ALK: variants seen among roughly 807,000 people sequenced by gnomAD.
ALK encodes the protein ALK tyrosine kinase receptor.
Under a neutral mutation model 163.1 loss-of-function variants are expected in ALK, and 74 were observed. The ratio of observed to expected loss-of-function variants is 0.45; its 90% CI spans 0.38 to 0.55. ALK has a LOEUF of 0.55. Ranked by LOEUF, ALK falls within the 20% of genes least tolerant of loss-of-function variation. The pLI is 0.00. For missense variants in ALK, 2,063 were observed against 2,105.3 expected (o/e 0.98, Z 0.39); for synonymous variants, 960 against 843.2 (o/e 1.14, Z -2.40).
At chr2:29,474,131 G>C (rs1327935583) in intron 4 of ALK, among the ~76,000 whole-genome samples, 1 of 152,162 alleles carries the variant, frequency 6.6e-6, no homozygotes, top group Non-Finnish European at 1.5e-5. Context: ...TAATTCACTG[G>C]ATATATTGTG....
At chr2:29,828,389 A>G (rs919327854) in intron 1 of ALK, among the ~76,000 whole-genome samples, 4 of 152,240 alleles carry the variant, frequency 2.6e-5, no homozygotes, top group Non-Finnish European at 5.9e-5. Context: ...CAACCTACAG[A>G]ATGGGAGAGA....
chr2:29,882,124 A>C (rs1358636714), intron 1 of ALK, among the ~76,000 whole-genome samples: 1 of 152,200 alleles, frequency 6.6e-6, no homozygotes, highest in African/African-American at 2.4e-5. Context: ...TAAGCTGGCC[A>C]TGAAAAGGTT....
At chr2:29,763,375 T>C (rs1404124945) in intron 1 of ALK, among the ~76,000 whole-genome samples, 1 of 152,198 alleles carries the variant, frequency 6.6e-6, no homozygotes. Context: ...CTTTGAGAGC[T>C]AGCTTTTTAC....
intron 4 of ALK, among the ~76,000 whole-genome samples, chr2:29,445,354 A>G (rs1414825384): frequency 6.6e-6 from 1 of 152,192 alleles, no homozygotes; most frequent in East Asian, 1.9e-4. Context: ...TTATATTTTC[A>G]CCCCATTACC....
chr2:29,433,342 G>A (rs183046143), intron 4 of ALK, among the ~76,000 whole-genome samples: 45 of 152,256 alleles, frequency 3.0e-4, no homozygotes, highest in African/African-American at 1.0e-3. Context: ...CAAGCTCCCA[G>A]ACAAGACGGA....
chr2:29,542,874 A>C (rs1024879239), intron 3 of ALK, among the ~76,000 whole-genome samples: 3 of 152,144 alleles, frequency 2.0e-5, no homozygotes, highest in Admixed American at 6.5e-5. Context: ...CATCTCTAGC[A>C]AATCTTGTTT....
intron 9 of ALK, among the ~76,000 whole-genome samples, chr2:29,280,607 C>G (rs1386524824): frequency 6.7e-6 from 1 of 150,254 alleles, no homozygotes; most frequent in Non-Finnish European, 1.5e-5. Context: ...TAGTATGTAC[C>G]AGGTGGACCA....
intron 3 of ALK, among the ~76,000 whole-genome samples, chr2:29,651,971 A>G (rs1323224494): frequency 1.3e-5 from 2 of 152,182 alleles, no homozygotes; most frequent in Non-Finnish European, 2.9e-5. Context: ...TGCTATGGGC[A>G]TCAATCAAGA....
chr2:29,350,554 G>A (rs938521842), intron 5 of ALK, among the ~76,000 whole-genome samples: 1 of 152,102 alleles, frequency 6.6e-6, no homozygotes, highest in Admixed American at 6.5e-5. Context: ...GGCTCTCAGG[G>A]GCCTTCTAGG....
At chr2:29,216,982 T>C (rs897362028) in intron 23 of ALK, among the ~76,000 whole-genome samples, 24 of 144,124 alleles carry the variant, frequency 1.7e-4, no homozygotes, top group African/African-American at 6.2e-4. Context: ...GTGGTGTGTG[T>C]GTGGCATGTG....
At chr2:29,595,842 A>C (rs765842617) in intron 3 of ALK, among the ~76,000 whole-genome samples, 37 of 152,220 alleles carry the variant, frequency 2.4e-4, no homozygotes, top group Non-Finnish European at 2.9e-4. Context: ...ACAGGGAATA[A>C]GTTTTCTGAA....
intron 1 of ALK, among the ~76,000 whole-genome samples, chr2:29,842,124 G>T (rs1473163600): frequency 6.6e-6 from 1 of 151,328 alleles, no homozygotes; most frequent in East Asian, 1.9e-4. Flanking sequence ...TCAGAAGCTA[G>T]AAAGTTGACT....
intron 4 of ALK, among the ~76,000 whole-genome samples, chr2:29,446,358 C>T (rs75468849): frequency 5.3e-5 from 8 of 152,038 alleles, no homozygotes; most frequent in Non-Finnish European, 8.8e-5. Context: ...ATCCACTTGA[C>T]CCCTCCGATC....
rs1304239235 is a variant in ALK at position 29,275,494 on chromosome 2, A to T, written c.1820T>A (p.Phe607Tyr). The change falls in exon 10 of 29, where the codon TTC (phenylalanine) becomes TAC (tyrosine). Residue 607 changes from phenylalanine to tyrosine, a missense_variant and splice_region_variant. This residue lies in a region of ALK where 987 missense variants were observed against 939.5 expected (regional missense o/e 1.05). Transcript: ENST00000389048. The stretch of plus-strand genomic sequence containing the variant: ...CCACCATGCGACCATCTGCAGCCAG[A>T]ACCTGTACACATCAAGAGGAATGTG... ...VLPLLDVSDR[F>Y]WLQMVAWWGQ... is the part of the protein sequence containing the mutation. 16 of 1,614,058 alleles carry T rather than the reference A, an allele frequency of 9.9e-6. No individual in the cohort carries two copies. The highest frequency in any genetic ancestry group is 1.3e-5 in the African/African-American group (1 of 75,028).
At chr2:29,844,997 C>T (rs1337003450) in intron 1 of ALK, among the ~76,000 whole-genome samples, 3 of 152,022 alleles carry the variant, frequency 2.0e-5, no homozygotes, top group Admixed American at 2.0e-4. Flanking sequence ...CCGGGGCTGT[C>T]GTCTAAGGCC....
intron 1 of ALK, among the ~76,000 whole-genome samples, chr2:29,750,721 A>G (rs12995319): frequency 5.5e-5 from 8 of 145,518 alleles, no homozygotes; most frequent in Non-Finnish European, 1.1e-4. Context: ...GGAAGGAAGG[A>G]AGGAAGGAAG....
At chr2:29,717,501 C>T (rs1169747813) in intron 2 of ALK, 77 bp downstream of exon 2, 1 of 1,573,134 alleles carries the variant, frequency 6.4e-7, no homozygotes, top group Non-Finnish European at 8.7e-7. Context: ...CACTATGAAT[C>T]CCAAACTGAA....
intron 3 of ALK, among the ~76,000 whole-genome samples, chr2:29,668,927 C>G (rs2148268393): frequency 6.6e-6 from 1 of 152,176 alleles, no homozygotes; most frequent in African/African-American, 2.4e-5. Flanking sequence ...CTATGTAAGA[C>G]TTATTCACTA....
At chr2:29,456,961 C>T (rs1036169408) in intron 4 of ALK, among the ~76,000 whole-genome samples, 110 of 152,038 alleles carry the variant, frequency 7.2e-4, no homozygotes, top group African/African-American at 2.5e-3. Flanking sequence ...CAAAATAGAA[C>T]GACATTTCTA....
Sources: gnomAD v4.1 joint callset for allele counts (sites outside exome capture counted in the v4.1 genomes callset) on GRCh38, gnomAD v4.1.1 for gene constraint, gnomAD v4.1.1 regional missense constraint, MANE v1.5 for transcripts, NCBI Gene and HGNC (gene_info 2026-07-23, HGNC 2026-07-21) for gene names.